Variants in EML1 observed in about 807,000 individuals in gnomAD.
EML1 encodes the protein EMAP like 1.
In EML1, 27 loss-of-function variants were observed where a neutral mutation model predicts 110.4. The observed-to-expected ratio is 0.24, with a 90% CI of 0.18 to 0.34. EML1 has a LOEUF of 0.34. Among genes scored for constraint, EML1 ranks in the 10% least tolerant of loss-of-function variants. EML1 has a pLI of 1.00. For synonymous variants in EML1, 344 were observed against 385.8 expected, an observed-to-expected ratio of 0.89 and a Z score of 1.27; for missense variants, 741 against 1,030.9, an observed-to-expected ratio of 0.72 and a Z score of 3.85.
At chr14:99,738,122 C>T (rs890730049) in intron 1 of EML1, among the ~76,000 whole-genome samples, 1 of 152,220 alleles carries the variant, frequency 6.6e-6, no homozygotes, top group African/African-American at 2.4e-5. Flanking sequence ...GGCTGGCAGC[C>T]GGGGCCAGAG....
chr14:99,867,696 G>A (rs773956928), intron 3 of EML1, among the ~76,000 whole-genome samples: 1 of 152,052 alleles, frequency 6.6e-6, no homozygotes, highest in African/African-American at 2.4e-5. Context: ...TTGAAATTAT[G>A]TATTAGTCCT....
chr14:99,852,930 C>T (rs1030051257), intron 2 of EML1, among the ~76,000 whole-genome samples: 7 of 152,088 alleles, frequency 4.6e-5, no homozygotes, highest in East Asian at 3.9e-4. Context: ...AAATAGAAAC[C>T]GCATTATTTT....
chr14:99,773,964 G>A (rs74084713), exon 1 of EML1: 5,007 of 152,388 alleles, frequency 0.033, 267 homozygotes, highest in African/African-American at 0.11. Flanking sequence ...CGGCTGGGCG[G>A]CTTACACAGG....
At chr14:99,786,949 A>C (rs977319856) in intron 1 of EML1, among the ~76,000 whole-genome samples, 2 of 152,206 alleles carry the variant, frequency 1.3e-5, no homozygotes, top group African/African-American at 2.4e-5. Flanking sequence ...TTGACCAGAC[A>C]AAAGTAGGAT....
chr14:99,923,233 A>G (rs1408118891), intron 17 of EML1, among the ~76,000 whole-genome samples: 2 of 152,218 alleles, frequency 1.3e-5, no homozygotes, highest in African/African-American at 2.4e-5. Flanking sequence ...GTGAGCCACC[A>G]TGCCCAGCCT....
intron 9 of EML1, among the ~76,000 whole-genome samples, chr14:99,902,339 C>T (rs76115650): frequency 0.021 from 3,190 of 152,270 alleles, 103 homozygotes; most frequent in African/African-American, 0.071. Flanking sequence ...AATACTGATC[C>T]AGATATTTAC....
intron 6 of EML1, among the ~76,000 whole-genome samples, chr14:99,895,869 G>T (rs1412042986): frequency 6.6e-6 from 1 of 151,794 alleles, no homozygotes; most frequent in East Asian, 1.9e-4. Context: ...GGGTAACTTG[G>T]CAAGTCCCTG....
intron 1 of EML1, among the ~76,000 whole-genome samples, chr14:99,819,233 G>A (rs1280406236): frequency 6.6e-6 from 1 of 152,250 alleles, no homozygotes; most frequent in Non-Finnish European, 1.5e-5. Context: ...GGGACTACAG[G>A]CATGAGCCAC....
chr14:99,868,293 G>T (rs1308131044), intron 3 of EML1, among the ~76,000 whole-genome samples: 1 of 152,080 alleles, frequency 6.6e-6, no homozygotes, highest in Non-Finnish European at 1.5e-5. Flanking sequence ...TTGTGTCTTT[G>T]TCTGGTTTTG....
chr14:99,868,854 T>C (rs1388485239), intron 3 of EML1, among the ~76,000 whole-genome samples: 3 of 152,164 alleles, frequency 2.0e-5, no homozygotes, highest in Non-Finnish European at 4.4e-5. Flanking sequence ...TGCCAACTTT[T>C]GGTTTTATCT....
At chr14:99,757,222 G>A (rs531933278) in intron 1 of EML1, among the ~76,000 whole-genome samples, 1 of 152,172 alleles carries the variant, frequency 6.6e-6, no homozygotes, top group Non-Finnish European at 1.5e-5. Flanking sequence ...GCCTGTCGTC[G>A]CAGCTACTCG....
At chr14:99,792,423 A>G (rs2057685834), upstream of EML1, among the ~76,000 whole-genome samples, 2 of 151,970 alleles carry the variant, frequency 1.3e-5, no homozygotes, top group Admixed American at 1.3e-4. Flanking sequence ...ATTGCTTCCC[A>G]CTCGTTATTT....
chr14:99,845,769 G>A (rs909142454), intron 1 of EML1, among the ~76,000 whole-genome samples: 6 of 152,200 alleles, frequency 3.9e-5, no homozygotes, highest in Non-Finnish European at 8.8e-5. Flanking sequence ...GACAGAGCCT[G>A]GCTGGGCGCT....
intron 1 of EML1, among the ~76,000 whole-genome samples, chr14:99,807,727 A>G (rs1365232436): frequency 1.3e-5 from 2 of 152,106 alleles, no homozygotes; most frequent in Non-Finnish European, 2.9e-5. Flanking sequence ...CACGCAGGGG[A>G]GAGAGGGTGG....
intron 1 of EML1, chr14:99,838,930 T>TGCGCGC (rs1555394689): frequency 6.7e-6 from 1 of 148,488 alleles, no homozygotes; most frequent in African/African-American, 2.5e-5. Context: ...TGTGTGTGTG[T>TGCGCGC]GCGCGCGCGC....
At chr14:99,739,119 AGTGT>A (rs71113220) in intron 1 of EML1, among the ~76,000 whole-genome samples, 3,326 of 134,914 alleles carry the variant, frequency 0.025, 139 homozygotes, top group African/African-American at 0.086. Flanking sequence ...AGAGAGAGAG[AGTGT>A]GTGTGTGTGT....
chr14:99,892,546 C>T (rs2059605673), intron 5 of EML1, among the ~76,000 whole-genome samples: 3 of 152,108 alleles, frequency 2.0e-5, no homozygotes, highest in Non-Finnish European at 4.4e-5. Flanking sequence ...GGTTTGGTGG[C>T]GTGTGTGCTG....
At chr14:99,796,230 G>GAGA (rs1673319031) in intron 1 of EML1, among the ~76,000 whole-genome samples, 1 of 142,414 alleles carries the variant, frequency 7.0e-6, no homozygotes, top group Non-Finnish European at 1.5e-5. Context: ...GAGAGAGAGA[G>GAGA]AAGATAATGT....
At chr14:99,785,954 A>G (rs2140221596) in intron 1 of EML1, among the ~76,000 whole-genome samples, 1 of 151,650 alleles carries the variant, frequency 6.6e-6, no homozygotes, top group East Asian at 1.9e-4. Context: ...CGCTAACCTG[A>G]TGATCAATTA....
Sources: gnomAD v4.1 joint callset for allele counts (sites outside exome capture counted in the v4.1 genomes callset) on GRCh38, gnomAD v4.1.1 for gene constraint, MANE v1.5 for transcripts, NCBI Gene and HGNC (gene_info 2026-07-23, HGNC 2026-07-21) for gene names.